The following ZNF709 variants were observed in gnomAD, a reference collection of about 807,000 sequenced individuals.
ZNF709 encodes the protein zinc finger protein 709.
Under a neutral mutation model 10.6 loss-of-function variants are expected in ZNF709, and 15 were observed. That is an observed-to-expected ratio of 1.41 (90% CI 0.95 to 2.18). ZNF709 has a LOEUF of 2.18. ZNF709 is among the 30% of genes most tolerant of loss of function. The pLI, the probability that ZNF709 is intolerant of heterozygous loss-of-function variation, is 0.00. For synonymous variants in ZNF709, 194 were observed against 238.8 expected, an observed-to-expected ratio of 0.81 and a Z score of 1.73; for missense variants, 589 against 774.0, an observed-to-expected ratio of 0.76 and a Z score of 2.84.
At chr19:12,479,778 G>C (rs1970707279) in intron 1 of ZNF709, among the ~76,000 whole-genome samples, 1 of 152,168 alleles carries the variant, frequency 6.6e-6, no homozygotes, top group Non-Finnish European at 1.5e-5. Flanking sequence ...GCTGAGGCAG[G>C]GGAATTGCTT....
In ZNF709 at chr19:12,463,194, A is replaced by G. The variant is rs1970531383; in HGVS notation, c.*802T>C. The stretch of plus-strand genomic sequence containing the variant: ...ATGAGCATTTGTTAAAATGGAAAAC[A>G]TTGCTATATCTCACTTTTATAGGAT... On this transcript the variant is annotated 3_prime_UTR_variant, in exon 4 of 4. Coordinates refer to ENST00000397732, the MANE Select transcript of ZNF709 (RefSeq NM_152601.4). The G allele has an allele frequency of 6.6e-6, 1 of 152,198 alleles. No individual in the cohort carries two copies. The highest frequency in any genetic ancestry group is 2.4e-5 in the African/African-American group (1 of 41,450). 9.4% of individuals were successfully genotyped at this position (152,198 alleles called of 1,614,324 possible).
In ZNF709 at chr19:12,465,133, A is replaced by G. The variant is rs772853863; in HGVS notation, c.789T>C (p.Tyr263=). 1 of 1,612,100 alleles carries G rather than the reference A, an allele frequency of 6.2e-7. No individual in the cohort carries two copies. Among genetic ancestry groups the G allele is most frequent in the East Asian group, 2.2e-5 (1 of 44,850 alleles). ...ECKQCGKAFR[Y]YQTFQIHERT... ...TTTCATGTATTTGAAAAGTTTGGTA[A>G]TATCTGAAAGCTTTTCCACATTGTT... Residue 263 remains tyrosine (Y), a synonymous_variant, in exon 4 of 4, where the codon TAT becomes TAC. Transcript: ENST00000397732.
rs568669755 is a variant in ZNF709 at position 12,478,372 on chromosome 19, T to C, written c.3+6283A>G. Among the ~76,000 whole-genome samples the C allele has an allele frequency of 1.1e-4, 17 of 152,298 alleles. No individual in the cohort carries two copies. In the East Asian group the frequency reaches 3.1e-3, roughly 28 times the overall value. ...GAATTATCAAAACGGCCAACTCCAGTTGGCTAAACATAGAACCCAGACTTG... is the reference window on the plus strand; with the variant it reads ...GAATTATCAAAACGGCCAACTCCAGCTGGCTAAACATAGAACCCAGACTTG... On this transcript the variant is annotated intron_variant, in intron 1 of 3. Coordinates refer to ENST00000397732, the MANE Select transcript of ZNF709 (RefSeq NM_152601.4).
In ZNF709 at chr19:12,468,044, G is replaced by A. The variant is rs1218835283; in HGVS notation, c.4-1194C>T. Among the ~76,000 whole-genome samples the A allele has an allele frequency of 4.7e-5, 7 of 148,646 alleles. No homozygotes were observed. The East Asian group carries it at 6.2e-4, about 13-fold the overall frequency. On this transcript the variant is annotated intron_variant, in intron 1 of 3. Transcript: ENST00000397732. Reference sequence around the variant, plus strand: ...GGAGGTGGGGGGTCAGCCCCCGCCCGGCCAGCCGTCCCGTCCGGGAGGGAG... The same window carrying A: ...GGAGGTGGGGGGTCAGCCCCCGCCCAGCCAGCCGTCCCGTCCGGGAGGGAG...
chr19:12,466,370 G>A (rs1970570600), intron 3 of ZNF709, 92 bp downstream of exon 3: 4 of 1,255,844 alleles, frequency 3.2e-6, no homozygotes, highest in African/African-American at 1.5e-5. Context: ...TATGAAATGG[G>A]GCTTATTTGT....
chr19:12,478,386 A>T (rs551314149), intron 1 of ZNF709, among the ~76,000 whole-genome samples: 2 of 152,328 alleles, frequency 1.3e-5, no homozygotes, highest in South Asian at 4.1e-4. Flanking sequence ...CTAAACATAG[A>T]ACCCAGACTT....
rs1370470891 is a variant in ZNF709, at chr19:12,462,542, G to C, written c.*1454C>G. The C allele has an allele frequency of 6.6e-6, 1 of 152,078 alleles. No homozygotes were observed. Among genetic ancestry groups the C allele is most frequent in the African/African-American group, 2.4e-5 (1 of 41,388 alleles). 9.4% of individuals were successfully genotyped at this position (152,078 alleles called of 1,614,324 possible). The stretch of plus-strand genomic sequence containing the variant: ...AGAAGATGAAAATAATAATTCCAAT[G>C]AGAGAGTATACTGTATGATAAACTT... On this transcript the variant is annotated 3_prime_UTR_variant, in exon 4 of 4. Transcript: ENST00000397732.
intron 1 of ZNF709, among the ~76,000 whole-genome samples, chr19:12,475,042 G>C (rs1427922539): frequency 2.6e-5 from 4 of 152,048 alleles, no homozygotes; most frequent in African/African-American, 9.7e-5. Flanking sequence ...CAGATCACCT[G>C]AGGTCGGGAG....
At position 12,463,926 on chromosome 19, in the gene ZNF709, CAAAAAAAAAA is replaced by C. The variant is rs60000717; in HGVS notation, c.*60_*69del. 5.3e-5 allele frequency: 49 copies of C among 916,280 alleles called. No individual in the cohort carries two copies. The highest frequency in any genetic ancestry group is 1.4e-4 in the South Asian group (4 of 28,762). The allele number at this position is 916,280 out of a possible 1,614,324, so 56.8% of individuals were successfully genotyped here. A position where few individuals can be genotyped will look rare whatever the true frequency, so the allele number is the denominator to read the frequency against. On this transcript the variant is annotated 3_prime_UTR_variant, in exon 4 of 4. Coordinates refer to ENST00000397732, the MANE Select transcript of ZNF709 (RefSeq NM_152601.4). ...AGGGCAACAGAGTGAGAATTCAACT[CAAAAAAAAAA>C]AAAAAAAAAAAGGAAATAGGACAAC...
At chr19:12,483,192 G>T (rs1280939937) in intron 1 of ZNF709, among the ~76,000 whole-genome samples, 1 of 152,094 alleles carries the variant, frequency 6.6e-6, no homozygotes, top group Non-Finnish European at 1.5e-5. Flanking sequence ...TCAGCCTGGA[G>T]TGCAGTGGCA....
intron 1 of ZNF709, among the ~76,000 whole-genome samples, chr19:12,469,164 A>G (rs1970612660): frequency 6.6e-6 from 1 of 152,118 alleles, no homozygotes; most frequent in South Asian, 2.1e-4. Context: ...GAATAAGTAT[A>G]TACTGAAGAA....
At chr19:12,481,442 G>GC (rs2145009888) in intron 1 of ZNF709, among the ~76,000 whole-genome samples, 1 of 152,062 alleles carries the variant, frequency 6.6e-6, no homozygotes, top group African/African-American at 2.4e-5. Flanking sequence ...GTTTCACCAA[G>GC]TTGGCCAGGC....
In ZNF709 at chr19:12,463,225, T is replaced by G. The variant is rs12975655; in HGVS notation, c.*771A>C. 2 of 152,190 alleles carry G rather than the reference T, an allele frequency of 1.3e-5. No homozygotes were observed. Among genetic ancestry groups the G allele is most frequent in the African/African-American group, 4.8e-5 (2 of 41,442 alleles). The allele number at this position is 152,190 out of a possible 1,614,324, so 9.4% of individuals were successfully genotyped here. ...ATATCTCACTTTTATAGGATTTCTA[T>G]CCAGTCTGCATTCTCACATATTAGT... On this transcript the variant is annotated 3_prime_UTR_variant, in exon 4 of 4. Transcript: ENST00000397732.
intron 1 of ZNF709, among the ~76,000 whole-genome samples, chr19:12,468,087 G>A (rs554625302): frequency 1.0e-4 from 15 of 148,564 alleles, no homozygotes; most frequent in Non-Finnish European, 1.9e-4. Context: ...GTCAGCCCCC[G>A]CCCGGCCAGC....
Position 12,468,503 on chromosome 19 carries a change from GTTAAGAGTCA to G in ZNF709, c.4-1663_4-1654del, listed in dbSNP as rs549517653. ...ACAGATGCTTGAAGGCAGCATGCTC[GTTAAGAGTCA>G]TCACCACTCCCTAATCTCAAGTACC... On this transcript the variant is annotated intron_variant, in intron 1 of 3. Transcript: ENST00000397732. Among the ~76,000 whole-genome samples, 40 of 151,734 alleles carry G rather than the reference GTTAAGAGTCA, an allele frequency of 2.6e-4. 1 individual carries two copies. In the East Asian group the frequency reaches 6.6e-3, roughly 25 times the overall value.
In ZNF709 at chr19:12,465,405, ACT is replaced by A; in HGVS notation, c.515_516del (p.Gln172LeufsTer3). 1 of 1,613,760 alleles carries A rather than the reference ACT, an allele frequency of 6.2e-7. No individual in the cohort carries two copies. On this transcript the variant is annotated frameshift_variant, in exon 4 of 4. Transcript: ENST00000397732. LOFTEE classifies it low-confidence loss of function (END_TRUNC). ...CTGGGCCAACTGAAAGCCTTACCAC[ACT>A]GTTTACATTTATAGGGTTTCTCTCC... ...HTGEKPYKCK[Q>X]CGKAFSWPSS...
chr19:12,464,375 GAAC>G lies in ZNF709; in HGVS notation c.1544_1546del (p.Cys515del), dbSNP rs1970546120. The G allele has an allele frequency of 6.2e-7, 1 of 1,612,748 alleles. No homozygotes were observed. The highest frequency in any genetic ancestry group is 1.3e-5 in the African/African-American group (1 of 74,830). Reference sequence around the variant, plus strand: ...CCTTTCATGCATTCGAAAGGAACTGGAACAACTGAAGGCTTTACCACATTGTTT... The same window carrying G: ...CCTTTCATGCATTCGAAAGGAACTGGAACTGAAGGCTTTACCACATTGTTT... On this transcript the variant is annotated inframe_deletion, in exon 4 of 4. Coordinates refer to ENST00000397732, the MANE Select transcript of ZNF709 (RefSeq NM_152601.4).
intron 1 of ZNF709, among the ~76,000 whole-genome samples, chr19:12,472,719 C>T (rs1361081558): frequency 4.0e-5 from 6 of 151,780 alleles, no homozygotes. Flanking sequence ...TCTGTCTCTA[C>T]AAAAAATACA....
intron 1 of ZNF709, among the ~76,000 whole-genome samples, chr19:12,480,412 A>C (rs911786465): frequency 4.6e-5 from 7 of 152,160 alleles, no homozygotes; most frequent in Non-Finnish European, 7.4e-5. Flanking sequence ...GGCCAGGTGC[A>C]GTGGCTCACG....
Sources: allele counts gnomAD v4.1 joint callset (sites outside exome capture counted in the v4.1 genomes callset), GRCh38; gene constraint gnomAD v4.1.1; transcripts MANE v1.5; gene names NCBI Gene and HGNC (gene_info 2026-07-23, HGNC 2026-07-21).